NEBL: variants seen among roughly 807,000 people sequenced by gnomAD.
NEBL encodes LIM and SH3 protein 2.
Under a neutral mutation model 140.2 loss-of-function variants are expected in NEBL, and 122 were observed. The observed-to-expected ratio is 0.87, with a 90% CI of 0.75 to 1.01. The LOEUF is 1.01. Among genes scored for constraint, NEBL ranks in the 50% least tolerant of loss-of-function variants. NEBL has a pLI of 0.00. For synonymous variants in NEBL, 436 were observed against 398.9 expected (o/e 1.09, Z -1.11); for missense variants, 1,365 against 1,231.3 (o/e 1.11, Z -1.62).
rs142779440 is a variant in NEBL at position 20,993,239 on chromosome 10, GT to G, written c.249+26877del. ...AGAGGATATATTCATGCAACCTCTGGTCATGAAAGTTTTGCTAGCAAAGGAC... is the reference window on the plus strand; with the variant it reads ...AGAGGATATATTCATGCAACCTCTGGCATGAAAGTTTTGCTAGCAAAGGAC... On this transcript the variant is annotated intron_variant, in intron 3 of 6. Coordinates refer to the NEBL transcript ENST00000417816. Among the ~76,000 whole-genome samples the G allele has an allele frequency of 5.4e-3, 826 of 152,256 alleles. 8 individuals carry two copies. Among genetic ancestry groups the G allele is most frequent in the African/African-American group, 0.019 (793 of 41,552 alleles).
At chr10:21,061,551 T>C (rs1414796168) in intron 2 of NEBL, among the ~76,000 whole-genome samples, 1 of 146,782 alleles carries the variant, frequency 6.8e-6, no homozygotes, top group African/African-American at 2.5e-5. Flanking sequence ...ATTTTATACA[T>C]ATATAAATAT....
At position 20,840,754 on chromosome 10, in the gene NEBL, A is replaced by C; in HGVS notation, c.1323T>G (p.Ser441=). The C allele has an allele frequency of 6.2e-7, 1 of 1,609,502 alleles. No homozygotes were observed. Among genetic ancestry groups the C allele is most frequent in the Non-Finnish European group, 8.5e-7 (1 of 1,176,258 alleles). The change falls in exon 13 of 28, where the codon TCT becomes TCG. Residue 441 remains serine, a synonymous_variant. Coordinates refer to ENST00000377122, the MANE Select transcript of NEBL (RefSeq NM_006393.3). The stretch of plus-strand genomic sequence containing the variant: ...ACATACTCACCTCACTTGCCATTTC[A>C]GAGGCTCGCTTTGCTCTTTGGATAT... ...VLDIQRAKRA[S]EMASEKEYKK...
chr10:21,283,519 T>C (rs895952410), intron 1 of NEBL, among the ~76,000 whole-genome samples: 2 of 152,200 alleles, frequency 1.3e-5, no homozygotes, highest in Non-Finnish European at 2.9e-5. Flanking sequence ...TCTTGGGGTC[T>C]GGATCTGGAC....
In NEBL at chr10:20,780,078, A is replaced by C. The variant is rs745488571; in HGVS notation, c.*5669T>G. ...AGAGAAAGTTTTACAAAATAATACA[A>C]TAAGACTAGCATCCAAATCGCATAG... On this transcript the variant is annotated 3_prime_UTR_variant, in exon 28 of 28. Coordinates refer to ENST00000377122, the MANE Select transcript of NEBL (RefSeq NM_006393.3). The C allele has an allele frequency of 6.6e-6, 1 of 152,254 alleles. No individual in the cohort carries two copies. The highest frequency in any genetic ancestry group is 2.4e-5 in the African/African-American group (1 of 41,470). The allele number at this position is 152,254 out of a possible 1,614,324, so 9.4% of individuals were successfully genotyped here.
intron 3 of NEBL, among the ~76,000 whole-genome samples, chr10:21,189,565 C>T (rs564403872): frequency 2.6e-5 from 4 of 152,218 alleles, no homozygotes; most frequent in African/African-American, 7.2e-5. Flanking sequence ...CCCGGGTTCC[C>T]GCCAGTCTCC....
intron 20 of NEBL, chr10:20,818,689 G>T: frequency 3.1e-6 from 2 of 636,970 alleles, no homozygotes; most frequent in Non-Finnish European, 3.9e-6. Context: ...CTTGAGGATA[G>T]AAAGTGGGTC....
chr10:20,810,941 G>A (rs1838079264), intron 24 of NEBL, among the ~76,000 whole-genome samples: 4 of 152,164 alleles, frequency 2.6e-5, no homozygotes, highest in African/African-American at 9.7e-5. Context: ...GAGGCACAGA[G>A]AAATTGAGTA....
chr10:20,836,823 C>T (rs1840938044), intron 13 of NEBL, among the ~76,000 whole-genome samples: 1 of 152,084 alleles, frequency 6.6e-6, no homozygotes, highest in East Asian at 1.9e-4. Flanking sequence ...TCTCTGCAAG[C>T]CTAAATTTTC....
At position 20,889,887 on chromosome 10, in the gene NEBL, A is replaced by G; in HGVS notation, c.216T>C (p.Pro72=). ...KDKCTFVTDS[P]MLNHVKNIGA... Reference sequence around the variant, plus strand: ...CGATATTTTTTACATGGTTTAGCATAGGACTGTCAGTCACAAATGTACACT... The same window carrying G: ...CGATATTTTTTACATGGTTTAGCATGGGACTGTCAGTCACAAATGTACACT... Residue 72 remains proline (P), a synonymous_variant, in exon 3 of 28, where the codon CCT becomes CCC. Transcript: ENST00000377122. The G allele has an allele frequency of 1.2e-6, 2 of 1,613,138 alleles. No individual in the cohort carries two copies. Among genetic ancestry groups the G allele is most frequent in the African/African-American group, 1.3e-5 (1 of 75,038 alleles).
At chr10:20,912,495 C>G (rs1638419706) in intron 4 of NEBL, among the ~76,000 whole-genome samples, 1 of 152,132 alleles carries the variant, frequency 6.6e-6, no homozygotes, top group Non-Finnish European at 1.5e-5. Flanking sequence ...TCAACACAAG[C>G]TTTCTTTTCT....
intron 3 of NEBL, among the ~76,000 whole-genome samples, chr10:20,975,571 T>G (rs1209184509): frequency 6.6e-6 from 1 of 152,184 alleles, no homozygotes; most frequent in Non-Finnish European, 1.5e-5. Flanking sequence ...AAAACTACCC[T>G]GAATGTAAAT....
intron 4 of NEBL, 116 bp from the exon 5 acceptor site, chr10:20,881,020 G>A: frequency 1.3e-6 from 1 of 775,904 alleles, no homozygotes; most frequent in Non-Finnish European, 2.3e-6. Flanking sequence ...TAGTTAATTT[G>A]CCTAAATCTC....
chr10:20,900,273 T>C (rs2131425850), upstream of NEBL, among the ~76,000 whole-genome samples: 1 of 152,338 alleles, frequency 6.6e-6, no homozygotes, highest in South Asian at 2.1e-4. Context: ...GGCTAAACTC[T>C]CAAAGTCCAG....
Position 21,056,757 on chromosome 10 carries a change from C to T in NEBL, c.165-36556G>A, listed in dbSNP as rs116176285. Among the ~76,000 whole-genome samples the T allele has an allele frequency of 6.2e-3, 950 of 152,100 alleles. 17 individuals carry two copies. The highest frequency in any genetic ancestry group is 0.021 in the African/African-American group (888 of 41,478). On this transcript the variant is annotated intron_variant, in intron 2 of 6. Coordinates refer to the NEBL transcript ENST00000417816. ...GATGCATCTCAAAAGCAAAATACTG[C>T]GAGAAAGAAAGCAAATCACAAAATC... is the stretch of plus-strand genomic sequence containing the variant.
intron 26 of NEBL, among the ~76,000 whole-genome samples, chr10:20,803,420 A>G (rs1027229690): frequency 3.3e-5 from 5 of 152,174 alleles, no homozygotes; most frequent in Admixed American, 2.6e-4. Context: ...AGAAAAATCA[A>G]TCCTTAAAAT....
rs188747715 is a variant in NEBL, at chr10:21,054,494, G to A, written c.165-34293C>T. Among the ~76,000 whole-genome samples, 17 of 152,216 alleles carry A rather than the reference G, an allele frequency of 1.1e-4. No individual in the cohort carries two copies. The East Asian group carries it at 1.5e-3, about 14-fold the overall frequency. On this transcript the variant is annotated intron_variant, in intron 2 of 6. Coordinates refer to the NEBL transcript ENST00000417816. ...CTGTACTGCCTCTCGGACAGGCATCGGGGAATTGTTTTTGTTTGTTTGTTT... is the reference window on the plus strand; with the variant it reads ...CTGTACTGCCTCTCGGACAGGCATCAGGGAATTGTTTTTGTTTGTTTGTTT...
intron 4 of NEBL, among the ~76,000 whole-genome samples, chr10:20,910,843 G>A (rs1287026038): frequency 7.8e-6 from 1 of 128,880 alleles, no homozygotes; most frequent in South Asian, 2.4e-4. Flanking sequence ...TTTTTTTTTG[G>A]CCAAAGGGGG....
intron 2 of NEBL, among the ~76,000 whole-genome samples, chr10:21,138,449 G>C (rs911104456): frequency 2.0e-5 from 3 of 152,168 alleles, no homozygotes; most frequent in Middle Eastern, 3.4e-3. Flanking sequence ...TTACAAGCTA[G>C]AAGAAATATA....
intron 3 of NEBL, among the ~76,000 whole-genome samples, chr10:21,190,532 G>A (rs1349656183): frequency 2.0e-5 from 3 of 152,116 alleles, no homozygotes; most frequent in African/African-American, 7.2e-5. Context: ...ACATCTCTGA[G>A]TAGTTAATAA....
Sources: gnomAD v4.1 joint callset for allele counts (sites outside exome capture counted in the v4.1 genomes callset) on GRCh38, gnomAD v4.1.1 for gene constraint, MANE v1.5 for transcripts, NCBI Gene and HGNC (gene_info 2026-07-23, HGNC 2026-07-21) for gene names.